SPAG16: variants seen among roughly 807,000 people sequenced by gnomAD.
The protein encoded by SPAG16 is sperm associated antigen 16, also known as sperm-associated antigen 16 protein.
SPAG16 carries 86 observed loss-of-function variants against 80.4 expected under a neutral mutation model. That is an observed-to-expected ratio of 1.07 (90% CI 0.90 to 1.28). SPAG16 has a LOEUF of 1.28. Among genes scored for constraint, SPAG16 ranks in the 50% most tolerant of loss-of-function variants. The pLI, the probability that SPAG16 is intolerant of heterozygous loss-of-function variation, is 0.00. For synonymous variants in SPAG16, 294 were observed against 265.9 expected (o/e 1.11, Z -1.03); for missense variants, 870 against 765.3 (o/e 1.14, Z -1.61).
At chr2:213,746,566 GAGGCTGAGGC>G (rs1037721218) in intron 10 of SPAG16, among the ~76,000 whole-genome samples, 23 of 152,322 alleles carry the variant, frequency 1.5e-4, no homozygotes, top group African/African-American at 5.3e-4. Flanking sequence ...AGCACTTTGG[GAGGCTGAGGC>G]AGGCAGATCA....
Position 214,359,452 on chromosome 2 carries a change from G to C in SPAG16, c.1721-50688G>C, listed in dbSNP as rs546973049. Among the ~76,000 whole-genome samples the C allele has an allele frequency of 2.0e-5, 3 of 151,968 alleles. No individual in the cohort carries two copies. The East Asian group carries it at 5.8e-4, about 29-fold the overall frequency. On this transcript the variant is annotated intron_variant, in intron 15 of 15. Coordinates refer to ENST00000331683, the MANE Select transcript of SPAG16 (RefSeq NM_024532.5). ...ACAGCATTTTTGGTGTTGCTAAAGA[G>C]TTAATACAACTTTAGAGCACGAGAG...
At chr2:213,743,999 T>TCC (rs2067700539) in intron 10 of SPAG16, among the ~76,000 whole-genome samples, 1 of 152,220 alleles carries the variant, frequency 6.6e-6, no homozygotes, top group Admixed American at 6.5e-5. Flanking sequence ...TAGTTATATT[T>TCC]TAGTGTGAGC....
chr2:213,927,381 A>G (rs2078531091), intron 11 of SPAG16, among the ~76,000 whole-genome samples: 2 of 152,152 alleles, frequency 1.3e-5, no homozygotes, highest in Non-Finnish European at 2.9e-5. Flanking sequence ...TGCATCTCTT[A>G]AAACACACTT....
chr2:213,988,958 T>G (rs2046152188), intron 12 of SPAG16, among the ~76,000 whole-genome samples: 1 of 152,120 alleles, frequency 6.6e-6, no homozygotes, highest in Non-Finnish European at 1.5e-5. Flanking sequence ...GTGTAGAATG[T>G]GGAGTTCTAC....
chr2:214,289,535 G>T (rs1693633531), intron 15 of SPAG16, among the ~76,000 whole-genome samples: 1 of 152,062 alleles, frequency 6.6e-6, no homozygotes, highest in Non-Finnish European at 1.5e-5. Flanking sequence ...AAATAAGTTG[G>T]CAATAAATAT....
At chr2:213,917,329 A>C (rs1444096091) in intron 11 of SPAG16, among the ~76,000 whole-genome samples, 1 of 152,208 alleles carries the variant, frequency 6.6e-6, no homozygotes, top group Admixed American at 6.5e-5. Context: ...TGGTACTTTG[A>C]TAGAAATAGC....
chr2:214,371,100 T>G (rs1233861561), intron 15 of SPAG16, among the ~76,000 whole-genome samples: 1 of 152,164 alleles, frequency 6.6e-6, no homozygotes, highest in Non-Finnish European at 1.5e-5. Flanking sequence ...ATTACTGGGA[T>G]AATGCATCAC....
intron 10 of SPAG16, among the ~76,000 whole-genome samples, chr2:213,851,044 A>G (rs1445995573): frequency 6.6e-6 from 1 of 152,176 alleles, no homozygotes; most frequent in Non-Finnish European, 1.5e-5. Context: ...GACTTTTCCT[A>G]GAGAAGTGCT....
intron 10 of SPAG16, among the ~76,000 whole-genome samples, chr2:213,656,445 C>T (rs1443029988): frequency 6.6e-6 from 1 of 152,234 alleles, no homozygotes; most frequent in African/African-American, 2.4e-5. Flanking sequence ...AGGCGTGAGC[C>T]ACCGCACCCG....
chr2:213,753,048 T>G (rs1278068018), intron 10 of SPAG16, among the ~76,000 whole-genome samples: 1 of 152,252 alleles, frequency 6.6e-6, no homozygotes, highest in African/African-American at 2.4e-5. Flanking sequence ...AGTCTCGCTC[T>G]GTCACCCAGG....
At chr2:213,747,471 C>T (rs1156870299) in intron 10 of SPAG16, among the ~76,000 whole-genome samples, 5 of 152,174 alleles carry the variant, frequency 3.3e-5, no homozygotes, top group Non-Finnish European at 1.5e-5. Context: ...CACTTTCTTA[C>T]CTAGATCAAA....
intron 10 of SPAG16, among the ~76,000 whole-genome samples, chr2:213,597,039 C>T (rs1259314942): frequency 2.0e-5 from 3 of 152,150 alleles, no homozygotes; most frequent in Non-Finnish European, 2.9e-5. Flanking sequence ...ACACCAAAGA[C>T]TGGCTTTTTA....
chr2:214,073,167 A>G (rs1316099539), intron 13 of SPAG16, among the ~76,000 whole-genome samples: 1 of 152,080 alleles, frequency 6.6e-6, no homozygotes, highest in African/African-American at 2.4e-5. Flanking sequence ...ACCTACCAAA[A>G]TTGGTCAACA....
chr2:213,595,815 C>G (rs1392895570), intron 10 of SPAG16, among the ~76,000 whole-genome samples: 1 of 151,950 alleles, frequency 6.6e-6, no homozygotes, highest in African/African-American at 2.4e-5. Flanking sequence ...ACAGAAATCA[C>G]TATCATGAAA....
At chr2:213,593,725 A>C in intron 10 of SPAG16, among the ~76,000 whole-genome samples, 1 of 113,622 alleles carries the variant, frequency 8.8e-6, no homozygotes, top group African/African-American at 3.3e-5. Flanking sequence ...GATTTCTCAT[A>C]CCCCATCATC....
chr2:213,744,743 T>C (rs2067736540), intron 10 of SPAG16, among the ~76,000 whole-genome samples: 1 of 152,184 alleles, frequency 6.6e-6, no homozygotes, highest in South Asian at 2.1e-4. Flanking sequence ...AACTATGTGA[T>C]TTGAATCTAA....
At chr2:213,893,585 T>C (rs1021539996) in intron 11 of SPAG16, among the ~76,000 whole-genome samples, 2 of 152,148 alleles carry the variant, frequency 1.3e-5, no homozygotes, top group Non-Finnish European at 2.9e-5. Flanking sequence ...GTGTGTGTTG[T>C]GGGGATGGAG....
intron 12 of SPAG16, among the ~76,000 whole-genome samples, chr2:213,935,877 G>T (rs952843689): frequency 6.6e-6 from 1 of 152,110 alleles, no homozygotes. Context: ...AGCTATAATA[G>T]TGAAAAACTT....
intron 12 of SPAG16, among the ~76,000 whole-genome samples, chr2:213,956,816 A>G (rs1053047513): frequency 6.6e-6 from 1 of 152,080 alleles, no homozygotes; most frequent in Non-Finnish European, 1.5e-5. Context: ...ATTGCATTCC[A>G]TAAGTTTTGG....
Sources: gnomAD v4.1 joint callset for allele counts (sites outside exome capture counted in the v4.1 genomes callset) on GRCh38, gnomAD v4.1.1 for gene constraint, MANE v1.5 for transcripts, NCBI Gene and HGNC (gene_info 2026-07-23, HGNC 2026-07-21) for gene names.